Variants in ACSM2A observed in about 807,000 individuals in gnomAD.
ACSM2A encodes the protein acyl-CoA synthetase medium chain family member 2A.
Under a neutral mutation model 76.6 loss-of-function variants are expected in ACSM2A, and 72 were observed. That is an observed-to-expected ratio of 0.94 (90% CI 0.78 to 1.14). The LOEUF (loss-of-function observed/expected upper bound fraction) is 1.14, where lower values mean the gene tolerates loss of function less well. Among genes scored for constraint, ACSM2A ranks in the 50% most tolerant of loss-of-function variants. ACSM2A has a pLI of 0.00. For synonymous variants in ACSM2A, 249 were observed against 255.9 expected (o/e 0.97, Z 0.26); for missense variants, 684 against 708.5 (o/e 0.97, Z 0.39).
At position 20,466,134 on chromosome 16, in the gene ACSM2A, G is replaced by GCTATGCCCACTTGTTTCCA. The variant is rs1567362393; in HGVS notation, c.388+407_388+408insCTATGCCCACTTGTTTCCA. On this transcript the variant is annotated intron_variant, in intron 3 of 13. Coordinates refer to ENST00000573854, the MANE Select transcript of ACSM2A (RefSeq NM_001308172.2). Reference sequence around the variant, plus strand: ...GTAAATAAAGTTTTATTATAACACAGTATTATATGTGGCTGCAGTTGCACT... The same window carrying GCTATGCCCACTTGTTTCCA: ...GTAAATAAAGTTTTATTATAACACAGCTATGCCCACTTGTTTCCATATTATATGTGGCTGCAGTTGCACT... 4.8e-5 allele frequency among the ~76,000 whole-genome samples: 7 copies of GCTATGCCCACTTGTTTCCA among 145,632 alleles called. 1 individual carries two copies. The highest frequency in any genetic ancestry group is 6.9e-5 in the Admixed American group (1 of 14,558).
At position 20,486,810 on chromosome 16, in the gene ACSM2A, T is replaced by C. The variant is rs2014406599; in HGVS notation, c.*132T>C. 5 of 1,130,632 alleles carry C rather than the reference T, an allele frequency of 4.4e-6. No homozygotes were observed. The Admixed American group carries it at 1.1e-4, about 24-fold the overall frequency. The allele number at this position is 1,130,632 out of a possible 1,614,324, so 70.0% of individuals were successfully genotyped here. A position where few individuals can be genotyped will look rare whatever the true frequency, so the allele number is the denominator to read the frequency against. ...AATATAAGTTTTGTCTTGCCTTGGT[T>C]ATTAGCACAAAACTTTACCATGTTA... On this transcript the variant is annotated 3_prime_UTR_variant, in exon 14 of 14. Coordinates refer to ENST00000573854, the MANE Select transcript of ACSM2A (RefSeq NM_001308172.2).
At position 20,486,853 on chromosome 16, in the gene ACSM2A, G is replaced by A. The variant is rs575106033; in HGVS notation, c.*175G>A. 1.4e-5 allele frequency: 10 copies of A among 736,750 alleles called. No homozygotes were observed. The East Asian group carries it at 1.9e-4, about 14-fold the overall frequency. The allele number at this position is 736,750 out of a possible 1,614,324, so 45.6% of individuals were successfully genotyped here. On this transcript the variant is annotated 3_prime_UTR_variant, in exon 14 of 14. Coordinates refer to ENST00000573854, the MANE Select transcript of ACSM2A (RefSeq NM_001308172.2). Reference sequence around the variant, plus strand: ...CCATGTTAGATGTTGAAAGAAGAAAGGGAAGGAATGAGAGAGAGTGAAAAG... The same window carrying A: ...CCATGTTAGATGTTGAAAGAAGAAAAGGAAGGAATGAGAGAGAGTGAAAAG...
intron 13 of ACSM2A, among the ~76,000 whole-genome samples, chr16:20,483,488 T>C (rs945789372): frequency 1.5e-5 from 2 of 136,022 alleles, no homozygotes; most frequent in Non-Finnish European, 3.0e-5. Context: ...GAGAATCACT[T>C]GAATCTGGGA....
At chr16:20,485,475 A>G (rs1337557686) in intron 13 of ACSM2A, among the ~76,000 whole-genome samples, 1 of 152,164 alleles carries the variant, frequency 6.6e-6, no homozygotes, top group Non-Finnish European at 1.5e-5. Context: ...TCCACTCTCT[A>G]TCTACCCTTC....
chr16:20,455,198 C>A (rs74835431), intron 1 of ACSM2A, among the ~76,000 whole-genome samples: 51,343 of 143,798 alleles, frequency 0.36, 8,303 homozygotes, highest in East Asian at 0.66. Context: ...ATAGAAGAGA[C>A]ATCTAAAAGT....
intron 2 of ACSM2A, among the ~76,000 whole-genome samples, chr16:20,465,257 A>G (rs1441092720): frequency 1.3e-5 from 2 of 152,244 alleles, no homozygotes; most frequent in Non-Finnish European, 2.9e-5. Flanking sequence ...GCATGCTAAT[A>G]TATAATGGGT....
chr16:20,452,864 T>A (rs1432700059), intron 1 of ACSM2A, among the ~76,000 whole-genome samples: 2 of 152,086 alleles, frequency 1.3e-5, no homozygotes, highest in African/African-American at 4.8e-5. Context: ...CATTTGACAC[T>A]CCTGATTCAT....
chr16:20,471,669 G>A lies in ACSM2A; in HGVS notation c.874G>A (p.Asp292Asn), dbSNP rs1012106684. Residue 292 changes from aspartate (D) to asparagine (N), a missense_variant, in exon 6 of 14, where the codon GAC becomes AAC. By Grantham distance (23) the Asp-to-Asn change is conservative. Transcript: ENST00000573854. ...ATTTGTTCATCTCTTGCCAAAGTTT[G>A]ACCCACTGGTTATTCTAAAGGTAAG... ...CTFVHLLPKF[D>N]PLVILKTLSS... 2 of 1,613,608 alleles carry A rather than the reference G, an allele frequency of 1.2e-6. No individual in the cohort carries two copies. The highest frequency in any genetic ancestry group is 1.7e-6 in the Non-Finnish European group (2 of 1,179,738).
In ACSM2A at chr16:20,470,696, G is replaced by A. The variant is rs1418671890; in HGVS notation, c.597-377G>A. On this transcript the variant is annotated intron_variant, in intron 4 of 13. Transcript: ENST00000573854. ...ATTCCACCCCTCCTGTCCACTTGGT[G>A]TCATGCCAGAGCTCTTCACAACAAT... 6 of 423,230 alleles carry A rather than the reference G, an allele frequency of 1.4e-5. No homozygotes were observed. In the Admixed American group the frequency reaches 1.7e-4, roughly 12 times the overall value. 26.2% of individuals were successfully genotyped at this position (423,230 alleles called of 1,614,324 possible). A position where few individuals can be genotyped will look rare whatever the true frequency, so the allele number is the denominator to read the frequency against.
intron 1 of ACSM2A, chr16:20,452,161 G>C (rs1397840410): frequency 6.6e-6 from 1 of 151,896 alleles, no homozygotes; most frequent in Non-Finnish European, 1.5e-5. Flanking sequence ...AGGATACAAA[G>C]TGTTGATCCT....
intron 5 of ACSM2A, 133 bp from the exon 6 acceptor site, chr16:20,471,403 G>A: frequency 1.3e-6 from 2 of 1,489,520 alleles, no homozygotes; most frequent in Non-Finnish European, 1.8e-6. Context: ...ATAGACATAT[G>A]CCTATAAACC....
In ACSM2A at chr16:20,451,920, G is replaced by A. The variant is rs564921591; in HGVS notation, c.-9+239G>A. Among the ~76,000 whole-genome samples, 132 of 150,416 alleles carry A rather than the reference G, an allele frequency of 8.8e-4. No homozygotes were observed. The South Asian group carries it at 0.027, about 31-fold the overall frequency. On this transcript the variant is annotated intron_variant, in intron 1 of 13. Transcript: ENST00000573854. ...AGCTGGAAAAAGGTGGTAACAGGGG[G>A]CTGGTAGTTGGGTGGTGGTCAGAGA...
chr16:20,482,813 G>A (rs1169385372), intron 12 of ACSM2A: 4 of 389,964 alleles, frequency 1.0e-5, no homozygotes, highest in Admixed American at 7.4e-5. Context: ...TGTCTCTATT[G>A]TTATTGGAGT....
chr16:20,454,386 CTT>C (rs1485016986), intron 1 of ACSM2A, among the ~76,000 whole-genome samples: 1 of 151,962 alleles, frequency 6.6e-6, no homozygotes, highest in African/African-American at 2.4e-5. Context: ...CTCCAATGAA[CTT>C]TTTTTGCCAG....
At chr16:20,460,326 A>G in intron 2 of ACSM2A, 35 bp downstream of exon 2, 2 of 1,609,468 alleles carry the variant, frequency 1.2e-6, no homozygotes, top group East Asian at 2.2e-5. Flanking sequence ...GAGTGAGACA[A>G]TTTTGTTGAC....
chr16:20,481,045 A>G, intron 12 of ACSM2A, 124 bp downstream of exon 12: 1 of 1,216,482 alleles, frequency 8.2e-7, no homozygotes, highest in East Asian at 2.6e-5. Context: ...CCTGCCACTT[A>G]CTAGCTATGT....
intron 8 of ACSM2A, 40 bp from the exon 9 acceptor site, chr16:20,477,329 T>C (rs1289592926): frequency 6.3e-7 from 1 of 1,582,442 alleles, no homozygotes. Flanking sequence ...ACCTTGTACC[T>C]CCTCCTGAGG....
chr16:20,477,249 G>A, intron 8 of ACSM2A, 120 bp from the exon 9 acceptor site: 3 of 1,419,450 alleles, frequency 2.1e-6, no homozygotes, highest in Non-Finnish European at 1.9e-6. Flanking sequence ...AGCAGGGGGA[G>A]CCACCAAGTG....
chr16:20,463,360 T>C (rs8061485), intron 2 of ACSM2A, among the ~76,000 whole-genome samples: 57,725 of 147,900 alleles, frequency 0.39, 13,082 homozygotes, highest in East Asian at 0.78. Context: ...TTGTTTTCTC[T>C]AAATCTCATG....
Sources: allele counts gnomAD v4.1 joint callset (sites outside exome capture counted in the v4.1 genomes callset), GRCh38; gene constraint gnomAD v4.1.1; transcripts MANE v1.5; gene names NCBI Gene and HGNC (gene_info 2026-07-23, HGNC 2026-07-21).